The following RPN2 variants were observed in gnomAD, a reference collection of about 807,000 sequenced individuals.
RPN2 encodes the protein dolichyl-diphosphooligosaccharide--protein glycosyltransferase subunit 2.
A neutral mutation model predicts 71.4 loss-of-function variants in RPN2; 29 were observed. The observed-to-expected ratio is 0.41, with a 90% CI of 0.30 to 0.55. RPN2 has a LOEUF of 0.55. RPN2 is among the 20% of genes least tolerant of loss of function. The pLI, the probability that RPN2 is intolerant of heterozygous loss-of-function variation, is 0.35. For synonymous variants in RPN2, 308 were observed against 305.0 expected (o/e 1.01, Z -0.10); for missense variants, 726 against 774.1 (o/e 0.94, Z 0.74).
chr20:37,203,516 A>G (rs778351199), intron 4 of RPN2, among the ~76,000 whole-genome samples: 3 of 151,732 alleles, frequency 2.0e-5, no homozygotes, highest in Non-Finnish European at 4.4e-5. Flanking sequence ...CATTTTTAGT[A>G]TTTTTAGTAG....
At chr20:37,215,074 A>G (rs1475034442) in intron 9 of RPN2, among the ~76,000 whole-genome samples, 1 of 152,204 alleles carries the variant, frequency 6.6e-6, no homozygotes, top group Non-Finnish European at 1.5e-5. Flanking sequence ...TATATTTTCT[A>G]TAATTCATAT....
chr20:37,223,186 T>C (rs949203463), intron 9 of RPN2, among the ~76,000 whole-genome samples: 1 of 152,238 alleles, frequency 6.6e-6, no homozygotes, highest in Non-Finnish European at 1.5e-5. Flanking sequence ...GAGCAAATCA[T>C]GTGGCCACAC....
At chr20:37,216,938 TC>T (rs2067822217) in intron 9 of RPN2, among the ~76,000 whole-genome samples, 1 of 59,976 alleles carries the variant, frequency 1.7e-5, no homozygotes, top group African/African-American at 5.6e-5. Flanking sequence ...TCTTTTTCTT[TC>T]TTTTTTTTTG....
At position 37,188,030 on chromosome 20, in the gene RPN2, G is replaced by T. The variant is rs1285323612; in HGVS notation, c.207+3657G>T. 2.0e-5 allele frequency among the ~76,000 whole-genome samples: 3 copies of T among 151,914 alleles called. No homozygotes were observed. In the East Asian group the frequency reaches 5.8e-4, roughly 29 times the overall value. The stretch of plus-strand genomic sequence containing the variant: ...TTTAGTGTTTGTCTAGTTTTGTTTA[G>T]AGATTTTAATATGCATCCTTAATTT... On this transcript the variant is annotated intron_variant, in intron 2 of 16. Transcript: ENST00000237530.
chr20:37,196,564 T>C (rs992618526), intron 2 of RPN2, among the ~76,000 whole-genome samples: 1 of 152,044 alleles, frequency 6.6e-6, no homozygotes, highest in East Asian at 1.9e-4. Context: ...GATGTTGCCC[T>C]GCCACCCATG....
intron 2 of RPN2, among the ~76,000 whole-genome samples, chr20:37,185,443 T>A (rs1022382036): frequency 6.6e-6 from 1 of 151,892 alleles, no homozygotes; most frequent in Admixed American, 6.6e-5. Flanking sequence ...CCAGGAACAG[T>A]CTTAAAGTGA....
Position 37,234,099 on chromosome 20 carries a change from A to G in RPN2, c.1753+4A>G. On this transcript the variant is annotated splice_donor_region_variant and intron_variant, in intron 15 of 16. Coordinates refer to ENST00000237530, the MANE Select transcript of RPN2 (RefSeq NM_002951.5). ...ATATTTCACCTGGGACATGCTGGTA[A>G]GTGCCCCAGGCTGCTAATTACCTGT... 1 of 1,614,098 alleles carries G rather than the reference A, an allele frequency of 6.2e-7. No homozygotes were observed. Among genetic ancestry groups the G allele is most frequent in the Non-Finnish European group, 8.5e-7 (1 of 1,179,988 alleles).
At chr20:37,179,489 G>C in intron 1 of RPN2, 120 bp downstream of exon 1, 2 of 1,316,204 alleles carry the variant, frequency 1.5e-6, no homozygotes, top group South Asian at 1.7e-5. Context: ...ATGGGCACAA[G>C]CTCTGGCTGG....
At chr20:37,234,667 TTTAA>T (rs1421983351) in intron 15 of RPN2, among the ~76,000 whole-genome samples, 2 of 146,548 alleles carry the variant, frequency 1.4e-5, no homozygotes, top group African/African-American at 5.1e-5. Flanking sequence ...TCACTGTGAC[TTTAA>T]TTTTTTGTTC....
intron 9 of RPN2, among the ~76,000 whole-genome samples, chr20:37,216,200 G>A (rs1054790080): frequency 1.3e-5 from 2 of 151,988 alleles, no homozygotes; most frequent in African/African-American, 2.4e-5. Flanking sequence ...GTAGCCAGGC[G>A]TGGTGGCACG....
chr20:37,211,939 T>C (rs1029793783), intron 8 of RPN2, among the ~76,000 whole-genome samples: 4 of 152,048 alleles, frequency 2.6e-5, no homozygotes, highest in Non-Finnish European at 4.4e-5. Context: ...GGTTTTACCA[T>C]GTTGGCCAGG....
intron 9 of RPN2, among the ~76,000 whole-genome samples, chr20:37,221,367 T>G (rs2067953280): frequency 6.6e-6 from 1 of 152,052 alleles, no homozygotes; most frequent in Non-Finnish European, 1.5e-5. Context: ...GGCTAATTTT[T>G]TTGTATTTTT....
At chr20:37,220,737 G>C (rs2067933844) in intron 9 of RPN2, among the ~76,000 whole-genome samples, 1 of 152,186 alleles carries the variant, frequency 6.6e-6, no homozygotes, top group South Asian at 2.1e-4. Context: ...CTCTTTAAAA[G>C]AGGGCTTTGG....
chr20:37,197,401 G>C (rs1237283220), intron 2 of RPN2, among the ~76,000 whole-genome samples: 1 of 152,180 alleles, frequency 6.6e-6, no homozygotes, highest in African/African-American at 2.4e-5. Flanking sequence ...AATGGCAAGG[G>C]CCTGCTGTAA....
chr20:37,183,045 C>T (rs1400479854), intron 1 of RPN2, among the ~76,000 whole-genome samples: 1 of 152,106 alleles, frequency 6.6e-6, no homozygotes, highest in Non-Finnish European at 1.5e-5. Context: ...TCTTTATCCT[C>T]ATGGAACTTA....
chr20:37,207,932 A>G (rs1030946415), intron 7 of RPN2, among the ~76,000 whole-genome samples: 1 of 152,106 alleles, frequency 6.6e-6, no homozygotes, highest in African/African-American at 2.4e-5. Context: ...TGCTGAGATT[A>G]CAGGTATGAG....
rs765022625 is a variant in RPN2, at chr20:37,199,138, C to T, written c.392C>T (p.Ala131Val). The part of the protein sequence containing the change: ...SVTQIYHAVA[A>V]LSGFGLPLAS... ...ACCCAGATCTACCATGCAGTTGCAG[C>T]TCTAAGTGGCTTTGGCCTTCCCTTG... The change falls in exon 4 of 17, where the codon GCT becomes GTT. Residue 131 changes from alanine to valine, a missense_variant. Ala to Val is a moderately conservative substitution (Grantham distance 64). Coordinates refer to ENST00000237530, the MANE Select transcript of RPN2 (RefSeq NM_002951.5). The T allele has an allele frequency of 1.3e-5, 21 of 1,614,196 alleles. 2 individuals are homozygous for T. In the South Asian group the frequency reaches 1.9e-4, roughly 14 times the overall value.
chr20:37,201,239 G>A (rs1011957458), intron 4 of RPN2, among the ~76,000 whole-genome samples: 2 of 138,634 alleles, frequency 1.4e-5, no homozygotes, highest in Non-Finnish European at 3.1e-5. Context: ...TAGAGAGTTT[G>A]TTACTTCCTT....
intron 2 of RPN2, among the ~76,000 whole-genome samples, chr20:37,190,186 C>T (rs1214747102): frequency 1.3e-5 from 2 of 152,094 alleles, no homozygotes; most frequent in African/African-American, 2.4e-5. Context: ...TGATCTGTGT[C>T]GTGATTTGGA....
Sources: allele counts gnomAD v4.1 joint callset (sites outside exome capture counted in the v4.1 genomes callset), GRCh38; gene constraint gnomAD v4.1.1; transcripts MANE v1.5; gene names NCBI Gene and HGNC (gene_info 2026-07-23, HGNC 2026-07-21).